The following MIEN1 variants were observed in gnomAD, a reference collection of about 807,000 sequenced individuals.
MIEN1 encodes the protein migration and invasion enhancer 1.
In MIEN1, 12 loss-of-function variants were observed where a neutral mutation model predicts 15.5. The observed-to-expected ratio is 0.78, with a 90% CI of 0.50 to 1.26. The LOEUF (loss-of-function observed/expected upper bound fraction) is 1.26. Among genes scored for constraint, MIEN1 ranks in the 50% most tolerant of loss-of-function variants. The pLI is 0.00. For synonymous variants in MIEN1, 63 were observed against 62.8 expected, an observed-to-expected ratio of 1.00 and a Z score of -0.02; for missense variants, 160 against 151.7, an observed-to-expected ratio of 1.05 and a Z score of -0.29.
rs150695808 is a variant in MIEN1 at position 39,729,279 on chromosome 17, G to A, written c.*243C>T. Reference sequence around the variant, plus strand: ...CGAAGAGTGGACTGGGCTTTCGTGGGCACTTACCCTGGGAAGGGGGTATGA... The same window carrying A: ...CGAAGAGTGGACTGGGCTTTCGTGGACACTTACCCTGGGAAGGGGGTATGA... On this transcript the variant is annotated 3_prime_UTR_variant, in exon 4 of 4. Coordinates refer to ENST00000394231, the MANE Select transcript of MIEN1 (RefSeq NM_032339.5). 2.8e-4 allele frequency: 158 copies of A among 565,910 alleles called. No individual in the cohort carries two copies. Among genetic ancestry groups the A allele is most frequent in the African/African-American group, 2.7e-3 (144 of 53,476 alleles). The allele number at this position is 565,910 out of a possible 1,614,324, so 35.1% of individuals were successfully genotyped here.
Position 39,728,589 on chromosome 17 carries a change from T to C in MIEN1, c.*933A>G, listed in dbSNP as rs1218067435. ...ACCCAGGGGGAGAATGGGTGTTGTATGGGGAGGCAAGTGTGGGGGGTCCTT... is the reference window on the plus strand; with the variant it reads ...ACCCAGGGGGAGAATGGGTGTTGTACGGGGAGGCAAGTGTGGGGGGTCCTT... On this transcript the variant is annotated 3_prime_UTR_variant, in exon 4 of 4. Coordinates refer to ENST00000394231, the MANE Select transcript of MIEN1 (RefSeq NM_032339.5). 4.3e-6 allele frequency: 1 copy of C among 233,510 alleles called. No homozygotes were observed. Among genetic ancestry groups the C allele is most frequent in the Admixed American group, 5.6e-5 (1 of 17,778 alleles). 14.5% of individuals were successfully genotyped at this position (233,510 alleles called of 1,614,324 possible).
chr17:39,730,229 G>T lies in MIEN1; in HGVS notation c.152C>A (p.Pro51Gln). 1 of 1,608,870 alleles carries T rather than the reference G, an allele frequency of 6.2e-7. No individual in the cohort carries two copies. The change falls in exon 2 of 4, where the codon CCG becomes CAG. Residue 51 changes from proline (P) to glutamine (Q), a missense_variant. Coordinates refer to ENST00000394231, the MANE Select transcript of MIEN1 (RefSeq NM_032339.5). ...ELASAVKEQY[P>Q]GIEIESRLGG... ...GAGGCGCGACTCGATCTCGATGCCC[G>T]GATACTGCTCCTTCACAGCACTGGC...
chr17:39,729,438 G>A lies in MIEN1; in HGVS notation c.*84C>T, dbSNP rs1034783607. 1.9e-5 allele frequency: 29 copies of A among 1,558,096 alleles called. No individual in the cohort carries two copies. Among genetic ancestry groups the A allele is most frequent in the Non-Finnish European group, 2.0e-5 (23 of 1,137,532 alleles). ...TTGCTAAGGAGCTAAGTAGGGGAAA[G>A]AGGCAGGGGGAGCTCCCAGCAGGAC... is the stretch of plus-strand genomic sequence containing the variant. On this transcript the variant is annotated 3_prime_UTR_variant, in exon 4 of 4. Coordinates refer to ENST00000394231, the MANE Select transcript of MIEN1 (RefSeq NM_032339.5).
chr17:39,729,902 C>A, intron 2 of MIEN1, 141 bp from the exon 3 acceptor site: 4 of 1,104,124 alleles, frequency 3.6e-6, no homozygotes, highest in Non-Finnish European at 5.2e-6. Context: ...ATTCCCCAAC[C>A]CTGGGTCAAC....
chr17:39,729,404 A>C lies in MIEN1; in HGVS notation c.*118T>G. Reference sequence around the variant, plus strand: ...GTACCCAAAGGGCAAAGTGGAGGCCAGGGTCTCTTTGCTAAGGAGCTAAGT... The same window carrying C: ...GTACCCAAAGGGCAAAGTGGAGGCCCGGGTCTCTTTGCTAAGGAGCTAAGT... On this transcript the variant is annotated 3_prime_UTR_variant, in exon 4 of 4. Coordinates refer to ENST00000394231, the MANE Select transcript of MIEN1 (RefSeq NM_032339.5). 7.7e-7 allele frequency: 1 copy of C among 1,291,308 alleles called. No individual in the cohort carries two copies. The highest frequency in any genetic ancestry group is 1.1e-6 in the Non-Finnish European group (1 of 917,050). 80.0% of individuals were successfully genotyped at this position (1,291,308 alleles called of 1,614,324 possible).
Position 39,730,236 on chromosome 17 carries a change from G to A in MIEN1, c.145C>T (p.Gln49Ter). 2 of 1,609,172 alleles carry A rather than the reference G, an allele frequency of 1.2e-6. No individual in the cohort carries two copies. ...GACTCGATCTCGATGCCCGGATACT[G>A]CTCCTTCACAGCACTGGCCAGCTCC... The part of the protein sequence containing the change: ...YLELASAVKE[Q>*]YPGIEIESRL... The change falls in exon 2 of 4, where the codon CAG becomes TAG. Residue 49 changes from glutamine (Q) to a stop codon, truncating the protein, a stop_gained. Coordinates refer to ENST00000394231, the MANE Select transcript of MIEN1 (RefSeq NM_032339.5). LOFTEE classifies it high-confidence loss of function.
Position 39,730,222 on chromosome 17 carries a change from G to T in MIEN1, c.159C>A (p.Ile53=). 1 of 1,608,348 alleles carries T rather than the reference G, an allele frequency of 6.2e-7. No homozygotes were observed. Among genetic ancestry groups the T allele is most frequent in the East Asian group, 2.2e-5 (1 of 44,842 alleles). The part of the protein sequence containing the change: ...ASAVKEQYPG[I]EIESRLGGTG... ...TGCCCCCGAGGCGCGACTCGATCTC[G>T]ATGCCCGGATACTGCTCCTTCACAG... Residue 53 remains isoleucine, a synonymous_variant, in exon 2 of 4, where the codon ATC becomes ATA. Transcript: ENST00000394231.
Position 39,728,869 on chromosome 17 carries a change from T to C in MIEN1, c.*653A>G, listed in dbSNP as rs767494630. On this transcript the variant is annotated 3_prime_UTR_variant, in exon 4 of 4. Coordinates refer to ENST00000394231, the MANE Select transcript of MIEN1 (RefSeq NM_032339.5). ...CCCTTTGACGACCAGATCATTCTTATTTAGAACGAACTAATTCCTAAGGCC... is the reference window on the plus strand; with the variant it reads ...CCCTTTGACGACCAGATCATTCTTACTTAGAACGAACTAATTCCTAAGGCC... 4.2e-5 allele frequency: 8 copies of C among 190,202 alleles called. No homozygotes were observed. Among genetic ancestry groups the C allele is most frequent in the Non-Finnish European group, 7.7e-5 (7 of 90,856 alleles). The allele number at this position is 190,202 out of a possible 1,614,324, so 11.8% of individuals were successfully genotyped here.
In MIEN1 at chr17:39,729,759, C is replaced by T. The variant is rs551080208; in HGVS notation, c.190G>A (p.Ala64Thr). 4 of 1,614,160 alleles carry T rather than the reference C, an allele frequency of 2.5e-6. No individual in the cohort carries two copies. In the African/African-American group the frequency reaches 4.0e-5, roughly 16 times the overall value. The change falls in exon 3 of 4, where the codon GCC (alanine) becomes ACC (threonine). Residue 64 changes from alanine to threonine, a missense_variant and splice_region_variant. Physicochemically the swap from Ala to Thr is moderately conservative, Grantham distance 58. Transcript: ENST00000394231. ...TGTCCATTTATCTCTATCTCAAAGG[C>T]ACCTGGTAAGAAATCAACAGATAAA... ...EIESRLGGTGAFEIEINGQLV... is the reference protein window; with the variant it reads ...EIESRLGGTGTFEIEINGQLV...
Position 39,730,513 on chromosome 17 carries a change from G to C in MIEN1, c.-18C>G. 6.6e-7 allele frequency: 1 copy of C among 1,524,970 alleles called. No individual in the cohort carries two copies. The highest frequency in any genetic ancestry group is 8.8e-7 in the Non-Finnish European group (1 of 1,142,210). 94.5% of individuals were successfully genotyped at this position (1,524,970 alleles called of 1,614,324 possible). On this transcript the variant is annotated 5_prime_UTR_variant, in exon 1 of 4. Transcript: ENST00000394231. Reference sequence around the variant, plus strand: ...CCGCTCATCGCGGCCGGCTCCGCTCGGGCCCCTGCTTCCGGGTGTGACGCG... The same window carrying C: ...CCGCTCATCGCGGCCGGCTCCGCTCCGGCCCCTGCTTCCGGGTGTGACGCG...
Position 39,730,228 on chromosome 17 carries a change from C to G in MIEN1, c.153G>C (p.Pro51=). The G allele has an allele frequency of 8.1e-6, 13 of 1,608,848 alleles. No individual in the cohort carries two copies. Among genetic ancestry groups the G allele is most frequent in the Non-Finnish European group, 1.1e-5 (13 of 1,179,550 alleles). ...CGAGGCGCGACTCGATCTCGATGCCCGGATACTGCTCCTTCACAGCACTGG... is the reference window on the plus strand; with the variant it reads ...CGAGGCGCGACTCGATCTCGATGCCGGGATACTGCTCCTTCACAGCACTGG... ...ELASAVKEQY[P]GIEIESRLGG... is the part of the protein sequence containing the mutation. The change falls in exon 2 of 4, where the codon CCG becomes CCC. Residue 51 remains proline, a synonymous_variant. Coordinates refer to ENST00000394231, the MANE Select transcript of MIEN1 (RefSeq NM_032339.5).
In MIEN1 at chr17:39,730,285, G is replaced by C; in HGVS notation, c.96C>G (p.Pro32=). 1 of 1,605,262 alleles carries C rather than the reference G, an allele frequency of 6.2e-7. No homozygotes were observed. The highest frequency in any genetic ancestry group is 8.5e-7 in the Non-Finnish European group (1 of 1,177,798). The change falls in exon 2 of 4, where the codon CCC becomes CCG. Residue 32 remains proline (P), a synonymous_variant. Coordinates refer to ENST00000394231, the MANE Select transcript of MIEN1 (RefSeq NM_032339.5). ...CCAGGTAGGTCGCCTCGAAGCCGCA[G>C]GGTTCACTGGGGAGTCAAGAGATGG... ...GVRIVVEYCE[P]CGFEATYLEL...
rs761121381 is a variant in MIEN1 at position 39,729,695 on chromosome 17, T to C, written c.254A>G (p.Tyr85Cys). 1.8e-5 allele frequency: 29 copies of C among 1,614,014 alleles called. 1 individual carries two copies. The South Asian group carries it at 2.9e-4, about 16-fold the overall frequency. The change falls in exon 3 of 4, where the codon TAT (tyrosine) becomes TGT (cysteine). Residue 85 changes from tyrosine (Y) to cysteine (C), a missense_variant. Physicochemically the swap from Tyr to Cys is radical, Grantham distance 194. Transcript: ENST00000394231. ...FSKLENGGFP[Y>C]EKDLIEAIRR... ...GCTGTAAATACTCACATCTTTCTCA[T>C]AGGGAAAGCCCCCATTCTCCAGCTT... is the stretch of plus-strand genomic sequence containing the variant.
In MIEN1 at chr17:39,729,419, A is replaced by T. The variant is rs1354404724; in HGVS notation, c.*103T>A. On this transcript the variant is annotated 3_prime_UTR_variant, in exon 4 of 4. Coordinates refer to ENST00000394231, the MANE Select transcript of MIEN1 (RefSeq NM_032339.5). ...AGTGGAGGCCAGGGTCTCTTTGCTA[A>T]GGAGCTAAGTAGGGGAAAGAGGCAG... 7 of 1,446,334 alleles carry T rather than the reference A, an allele frequency of 4.8e-6. No homozygotes were observed. The highest frequency in any genetic ancestry group is 1.4e-5 in the African/African-American group (1 of 70,404). 89.6% of individuals were successfully genotyped at this position (1,446,334 alleles called of 1,614,324 possible).
At position 39,730,490 on chromosome 17, in the gene MIEN1, G is replaced by A. The variant is rs547654300; in HGVS notation, c.6C>T (p.Ser2=). Residue 2 remains serine, a synonymous_variant, in exon 1 of 4, where the codon AGC becomes AGT. Coordinates refer to ENST00000394231, the MANE Select transcript of MIEN1 (RefSeq NM_032339.5). M[S]GEPGQTSVAP... is the part of the protein sequence containing the mutation. Reference sequence around the variant, plus strand: ...CTACGGACGTCTGCCCCGGCTCCCCGCTCATCGCGGCCGGCTCCGCTCGGG... The same window carrying A: ...CTACGGACGTCTGCCCCGGCTCCCCACTCATCGCGGCCGGCTCCGCTCGGG... 79 of 1,533,340 alleles carry A rather than the reference G, an allele frequency of 5.2e-5. No individual in the cohort carries two copies. In the South Asian group the frequency reaches 8.4e-4, roughly 16 times the overall value. The allele number at this position is 1,533,340 out of a possible 1,614,324, so 95.0% of individuals were successfully genotyped here.
chr17:39,728,798 G>C lies in MIEN1; in HGVS notation c.*724C>G, dbSNP rs1267909499. ...GAGGAGCCAGACATCCAGTTCTCCAGCTTCAGGGTTGGGGGAGATCGGGAA... is the reference window on the plus strand; with the variant it reads ...GAGGAGCCAGACATCCAGTTCTCCACCTTCAGGGTTGGGGGAGATCGGGAA... On this transcript the variant is annotated 3_prime_UTR_variant, in exon 4 of 4. Coordinates refer to ENST00000394231, the MANE Select transcript of MIEN1 (RefSeq NM_032339.5). The C allele has an allele frequency of 4.8e-6, 1 of 208,438 alleles. No individual in the cohort carries two copies. The highest frequency in any genetic ancestry group is 2.3e-5 in the African/African-American group (1 of 43,876). 12.9% of individuals were successfully genotyped at this position (208,438 alleles called of 1,614,324 possible).
rs758091440 is a variant in MIEN1, at chr17:39,730,387, C to A, written c.89+20G>T. The stretch of plus-strand genomic sequence containing the variant: ...GGCCCGCGGGACCAGGGTGCGGGTC[C>A]TCCAGCCGGGGCCGCTCACCAGTAC... On this transcript the variant is annotated intron_variant, in intron 1 of 3. Transcript: ENST00000394231. 3 of 1,553,164 alleles carry A rather than the reference C, an allele frequency of 1.9e-6. No individual in the cohort carries two copies. In the South Asian group the frequency reaches 3.6e-5, roughly 18 times the overall value.
chr17:39,730,138 G>T, intron 2 of MIEN1, 56 bp downstream of exon 2: 1 of 1,489,696 alleles, frequency 6.7e-7, no homozygotes, highest in South Asian at 1.2e-5. Context: ...ACTAGAAAGC[G>T]GGAGAGCTGG....
At position 39,730,425 on chromosome 17, in the gene MIEN1, C is replaced by G. The variant is rs775814936; in HGVS notation, c.71G>C (p.Arg24Pro). ...PEEVEPGSGVRIVVEYCEPCG... is the reference protein window; with the variant it reads ...PEEVEPGSGVPIVVEYCEPCG... ...CGCTCACCAGTACTCCACCACGATGCGGACCCCACTGCCCGGCTCGACCTC... is the reference window on the plus strand; with the variant it reads ...CGCTCACCAGTACTCCACCACGATGGGGACCCCACTGCCCGGCTCGACCTC... The change falls in exon 1 of 4, where the codon CGC (arginine) becomes CCC (proline). Residue 24 changes from arginine (R) to proline (P), a missense_variant. Arg to Pro is a moderately radical substitution (Grantham distance 103, BLOSUM62 -2). Coordinates refer to ENST00000394231, the MANE Select transcript of MIEN1 (RefSeq NM_032339.5). The G allele has an allele frequency of 3.2e-6, 5 of 1,553,122 alleles. No homozygotes were observed. The highest frequency in any genetic ancestry group is 4.3e-6 in the Non-Finnish European group (5 of 1,149,788).
Sources: allele counts gnomAD v4.1 joint callset, GRCh38; gene constraint gnomAD v4.1.1; transcripts MANE v1.5; gene names NCBI Gene and HGNC (gene_info 2026-07-23, HGNC 2026-07-21).